Variants in STX17 observed in about 807,000 individuals in gnomAD.
STX17 encodes syntaxin 17.
STX17 carries 29 observed loss-of-function variants against 35.9 expected under a neutral mutation model. That is an observed-to-expected ratio of 0.81 (90% CI 0.60 to 1.10). STX17 has a LOEUF of 1.10. STX17 is among the 50% of genes least tolerant of loss of function. STX17 has a pLI of 0.00. For synonymous variants in STX17, 92 were observed against 118.3 expected, an observed-to-expected ratio of 0.78 and a Z score of 1.44; for missense variants, 312 against 352.3, an observed-to-expected ratio of 0.89 and a Z score of 0.92.
chr9:99,910,737 A>G (rs559385435), intron 1 of STX17, among the ~76,000 whole-genome samples: 3 of 152,178 alleles, frequency 2.0e-5, no homozygotes, highest in Non-Finnish European at 2.9e-5. Flanking sequence ...ATTGTTAACT[A>G]TAGCTACCTC....
intron 4 of STX17, among the ~76,000 whole-genome samples, chr9:99,956,330 G>A (rs768166360): frequency 4.6e-5 from 7 of 151,848 alleles, no homozygotes; most frequent in African/African-American, 1.2e-4. Flanking sequence ...GCATACCCTC[G>A]CAAACTTCAT....
chr9:99,911,701 G>A (rs1014782673), intron 1 of STX17, among the ~76,000 whole-genome samples: 6 of 151,844 alleles, frequency 4.0e-5, no homozygotes, highest in East Asian at 1.9e-4. Flanking sequence ...TTCCCACCTT[G>A]GTGTCACTGG....
chr9:99,953,730 GC>G (rs1016256614), intron 4 of STX17, among the ~76,000 whole-genome samples: 1 of 151,976 alleles, frequency 6.6e-6, no homozygotes, highest in Non-Finnish European at 1.5e-5. Flanking sequence ...CAATCTTTTT[GC>G]TACTTAGCTT....
Position 99,960,086 on chromosome 9 carries a change from C to T in STX17, c.532-19C>T. 1.9e-6 allele frequency: 3 copies of T among 1,613,966 alleles called. No homozygotes were observed. The highest frequency in any genetic ancestry group is 2.5e-6 in the Non-Finnish European group (3 of 1,179,910). On this transcript the variant is annotated intron_variant, in intron 5 of 7. Transcript: ENST00000259400. ...AGTTGTGAGGCATAAAAGTAACTTC[C>T]TCTCCCTTTCTTTTAAAGGACTTAA...
Position 99,969,256 on chromosome 9 carries a change from T to C in STX17, c.*583T>C, listed in dbSNP as rs963431537. On this transcript the variant is annotated 3_prime_UTR_variant, in exon 8 of 8. Transcript: ENST00000259400. ...GAAAATGCAAGAGGCTCAACTTCTC[T>C]TCCAAAAATCTTCTGGCTTCTGAAC... is the stretch of plus-strand genomic sequence containing the variant. 2 of 152,172 alleles carry C rather than the reference T, an allele frequency of 1.3e-5. No individual in the cohort carries two copies. The highest frequency in any genetic ancestry group is 2.9e-5 in the Non-Finnish European group (2 of 68,026). The allele number at this position is 152,172 out of a possible 1,614,324, so 9.4% of individuals were successfully genotyped here. A position where few individuals can be genotyped will look rare whatever the true frequency, so the allele number is the denominator to read the frequency against.
At chr9:99,908,171 G>A (rs570924809) in intron 1 of STX17, among the ~76,000 whole-genome samples, 16 of 152,286 alleles carry the variant, frequency 1.1e-4, no homozygotes, top group East Asian at 5.8e-4. Context: ...TGCTCGTGAG[G>A]TTAATCTTGA....
Position 99,909,484 on chromosome 9 carries a change from C to G in STX17, c.-63+2778C>G, listed in dbSNP as rs771379133. ...ATGATGGTAGATATAAAGATAATCT[C>G]TTTGTGGTATAGAAGAAAAGAAAAG... On this transcript the variant is annotated intron_variant, in intron 1 of 7. Transcript: ENST00000259400. 1.4e-4 allele frequency among the ~76,000 whole-genome samples: 21 copies of G among 152,254 alleles called. No individual in the cohort carries two copies. In the Middle Eastern group the frequency reaches 0.01, roughly 74 times the overall value.
At chr9:99,930,358 C>A (rs1253024097) in intron 3 of STX17, among the ~76,000 whole-genome samples, 1 of 151,870 alleles carries the variant, frequency 6.6e-6, no homozygotes, top group Non-Finnish European at 1.5e-5. Context: ...AGCTCCTCCT[C>A]CTGGGTTCAC....
intron 4 of STX17, among the ~76,000 whole-genome samples, chr9:99,958,483 G>A (rs1829758188): frequency 6.6e-6 from 1 of 152,198 alleles, no homozygotes; most frequent in African/African-American, 2.4e-5. Flanking sequence ...TTGAGCACTT[G>A]TACTTTATAT....
chr9:99,915,850 G>A (rs1026605579), intron 2 of STX17, among the ~76,000 whole-genome samples: 9 of 152,122 alleles, frequency 5.9e-5, no homozygotes, highest in East Asian at 1.9e-4. Context: ...GAGCCGTGGC[G>A]CCTGGCCAAG....
At chr9:99,944,589 A>G (rs1485122778) in intron 3 of STX17, among the ~76,000 whole-genome samples, 4 of 150,718 alleles carry the variant, frequency 2.7e-5, no homozygotes, top group Non-Finnish European at 1.5e-5. Context: ...ATCTTGGCTC[A>G]CTGCAACCTC....
chr9:99,941,711 C>T (rs1437678595), intron 3 of STX17, among the ~76,000 whole-genome samples: 2 of 152,076 alleles, frequency 1.3e-5, no homozygotes, highest in African/African-American at 4.8e-5. Context: ...CAAAGTGTGT[C>T]CTTAAGACTG....
intron 3 of STX17, among the ~76,000 whole-genome samples, chr9:99,932,658 T>G (rs536690720): frequency 6.6e-6 from 1 of 152,336 alleles, no homozygotes; most frequent in South Asian, 2.1e-4. Context: ...TTTTAAAATT[T>G]GCGTATATAT....
chr9:99,930,703 C>A (rs1206374210), intron 3 of STX17, among the ~76,000 whole-genome samples: 2 of 152,058 alleles, frequency 1.3e-5, no homozygotes, highest in African/African-American at 4.8e-5. Flanking sequence ...CTCTATTTTC[C>A]TAGGTATTAT....
rs746743351 is a variant in STX17, at chr9:99,968,507, GCCT to G, written c.747_749del (p.Leu250del). The stretch of plus-strand genomic sequence containing the variant: ...GGGGGAATGGTAGGGGGTCCTATTG[GCCT>G]CCTTGCAGGCTTCAAAGTGGCAGGA... On this transcript the variant is annotated inframe_deletion, in exon 8 of 8. Coordinates refer to ENST00000259400, the MANE Select transcript of STX17 (RefSeq NM_017919.3). 2 of 1,612,680 alleles carry G rather than the reference GCCT, an allele frequency of 1.2e-6. No homozygotes were observed. Among genetic ancestry groups the G allele is most frequent in the African/African-American group, 2.7e-5 (2 of 74,814 alleles).
At chr9:99,927,525 G>A (rs746555671) in intron 2 of STX17, among the ~76,000 whole-genome samples, 1 of 151,550 alleles carries the variant, frequency 6.6e-6, no homozygotes, top group Non-Finnish European at 1.5e-5. Flanking sequence ...CCAGGCTGGA[G>A]TGCAGTGTGG....
chr9:99,938,241 C>G (rs1416129330), intron 3 of STX17, among the ~76,000 whole-genome samples: 1 of 152,156 alleles, frequency 6.6e-6, no homozygotes, highest in Non-Finnish European at 1.5e-5. Context: ...TTCCAGGGCT[C>G]TCTCTCCCTG....
intron 3 of STX17, among the ~76,000 whole-genome samples, chr9:99,933,347 A>G (rs539097914): frequency 6.6e-6 from 1 of 152,272 alleles, no homozygotes; most frequent in East Asian, 1.9e-4. Flanking sequence ...AAAGCTTGAT[A>G]TCTGATTGTA....
intron 2 of STX17, among the ~76,000 whole-genome samples, chr9:99,919,264 C>T (rs1587913049): frequency 6.6e-6 from 1 of 152,200 alleles, no homozygotes; most frequent in East Asian, 1.9e-4. Flanking sequence ...TAGCTGGTAC[C>T]TTCAGTTGCT....
Sources: gnomAD v4.1 joint callset for allele counts (sites outside exome capture counted in the v4.1 genomes callset) on GRCh38, gnomAD v4.1.1 for gene constraint, MANE v1.5 for transcripts, NCBI Gene and HGNC (gene_info 2026-07-23, HGNC 2026-07-21) for gene names.